Variants in TTLL11 observed in about 807,000 individuals in gnomAD.
The protein encoded by TTLL11 is tubulin polyglutamylase TTLL11.
In TTLL11, 42 loss-of-function variants were observed where a neutral mutation model predicts 51.7. That is an observed-to-expected ratio of 0.81 (90% CI 0.64 to 1.05). The LOEUF (loss-of-function observed/expected upper bound fraction) is 1.05. TTLL11 is among the 50% of genes least tolerant of loss of function. The probability of loss-of-function intolerance (pLI) is 0.00; values close to 1 mark genes in which losing one functional copy is unlikely to be tolerated. For missense variants in TTLL11, 799 were observed against 940.4 expected (o/e 0.85, Z 1.97); for synonymous variants, 381 against 383.5 (o/e 0.99, Z 0.08).
At position 121,822,974 on chromosome 9, in the gene TTLL11, T is replaced by C; in HGVS notation, c.1841-95A>G. ...CAGCCACAAGGATGTCAGCAAGAGCTAGCCCCGCTCCCCACCACCGTCTCC... is the reference window on the plus strand; with the variant it reads ...CAGCCACAAGGATGTCAGCAAGAGCCAGCCCCGCTCCCCACCACCGTCTCC... On this transcript the variant is annotated intron_variant, in intron 8 of 8. Transcript: ENST00000321582. This position sits in a 1 kb window ranked among gnomAD's most constrained non-coding sequence, Gnocchi z 5.8. 3 of 1,349,850 alleles carry C rather than the reference T, an allele frequency of 2.2e-6. No individual in the cohort carries two copies. The highest frequency in any genetic ancestry group is 2.0e-6 in the Non-Finnish European group (2 of 1,006,644). The allele number at this position is 1,349,850 out of a possible 1,614,324, so 83.6% of individuals were successfully genotyped here.
chr9:121,866,518 G>A (rs777403890), intron 7 of TTLL11, among the ~76,000 whole-genome samples: 3 of 151,886 alleles, frequency 2.0e-5, no homozygotes, highest in Admixed American at 6.6e-5. Flanking sequence ...AAATTAGCCG[G>A]GCATGGTGGT....
intron 6 of TTLL11, among the ~76,000 whole-genome samples, chr9:121,880,860 C>A (rs528724137): frequency 1.1e-4 from 16 of 152,372 alleles, no homozygotes; most frequent in Admixed American, 2.6e-4. Flanking sequence ...AAGGTTAAGT[C>A]AATGGCCTAA....
intron 6 of TTLL11, among the ~76,000 whole-genome samples, chr9:121,912,541 G>A (rs989932546): frequency 6.6e-6 from 1 of 152,052 alleles, no homozygotes; most frequent in Non-Finnish European, 1.5e-5. Flanking sequence ...CTAGCACAGA[G>A]GACACCACTC....
chr9:122,060,545 T>C (rs376142726), intron 1 of TTLL11, among the ~76,000 whole-genome samples: 6 of 152,178 alleles, frequency 3.9e-5, no homozygotes, highest in African/African-American at 1.4e-4. Context: ...CGTGCTGCCA[T>C]ATAGATCCAA....
At chr9:122,073,363 T>C (rs1022076319) in intron 1 of TTLL11, among the ~76,000 whole-genome samples, 5 of 152,032 alleles carry the variant, frequency 3.3e-5, no homozygotes, top group African/African-American at 1.2e-4. Flanking sequence ...TGAGCCAAGA[T>C]TGCACCACTG....
intron 3 of TTLL11, among the ~76,000 whole-genome samples, chr9:122,010,415 G>A (rs1295660749): frequency 6.6e-6 from 1 of 152,182 alleles, no homozygotes. Context: ...ACTTTGGAGC[G>A]TGGTTCAAGT....
At position 121,817,250 on chromosome 9, in the gene TTLL11, G is replaced by A. The variant is rs911947563; in HGVS notation, c.*5337C>T. The A allele has an allele frequency of 2.6e-5, 4 of 152,104 alleles. No homozygotes were observed. Among genetic ancestry groups the A allele is most frequent in the Non-Finnish European group, 4.4e-5 (3 of 68,040 alleles). 9.4% of individuals were successfully genotyped at this position (152,104 alleles called of 1,614,324 possible). On this transcript the variant is annotated 3_prime_UTR_variant, in exon 9 of 9. Transcript: ENST00000321582. ...GAGGAGCAGCAGGAATCATTTCTCA[G>A]CCTACGAATGTCTTTAAACATGTGG...
At chr9:121,855,387 C>T (rs1240757188) in intron 8 of TTLL11, among the ~76,000 whole-genome samples, 1 of 152,146 alleles carries the variant, frequency 6.6e-6, no homozygotes, top group Non-Finnish European at 1.5e-5. Flanking sequence ...CTTTTTCTCA[C>T]TAGTTTTTAT....
intron 7 of TTLL11, among the ~76,000 whole-genome samples, chr9:121,868,143 A>G (rs1204876204): frequency 6.6e-6 from 1 of 152,058 alleles, no homozygotes; most frequent in Non-Finnish European, 1.5e-5. Flanking sequence ...ATCTGTGCCC[A>G]CAGATGTCTT....
At chr9:121,842,553 T>C (rs181920793) in intron 8 of TTLL11, among the ~76,000 whole-genome samples, 23 of 152,362 alleles carry the variant, frequency 1.5e-4, no homozygotes, top group African/African-American at 5.5e-4. Flanking sequence ...TGAGCTACTG[T>C]GTGCCTGGCC....
At chr9:121,846,932 C>T (rs897825871) in intron 8 of TTLL11, among the ~76,000 whole-genome samples, 7 of 152,166 alleles carry the variant, frequency 4.6e-5, no homozygotes, top group South Asian at 4.2e-4. Context: ...AACACAAGGC[C>T]GGGCCCGGTG....
At chr9:121,885,471 G>A (rs1838974792) in intron 6 of TTLL11, 1 of 152,256 alleles carries the variant, frequency 6.6e-6, no homozygotes, top group African/African-American at 2.4e-5. Flanking sequence ...TCGCTGCTTG[G>A]ACACCTGTGT....
At chr9:122,037,331 G>C (rs1844732625) in intron 2 of TTLL11, among the ~76,000 whole-genome samples, 1 of 152,208 alleles carries the variant, frequency 6.6e-6, no homozygotes, top group South Asian at 2.1e-4. Context: ...TGTTGGGTAA[G>C]AACTCTGGCT....
At chr9:121,978,649 G>A (rs1842766924) in intron 4 of TTLL11, among the ~76,000 whole-genome samples, 1 of 152,086 alleles carries the variant, frequency 6.6e-6, no homozygotes, top group Non-Finnish European at 1.5e-5. Context: ...ATTATGTGTT[G>A]ATCACCTTCT....
At chr9:121,973,096 A>G (rs1842615934) in intron 6 of TTLL11, among the ~76,000 whole-genome samples, 1 of 152,242 alleles carries the variant, frequency 6.6e-6, no homozygotes. Context: ...ACTTTGTGAG[A>G]GCCTGGAATT....
chr9:121,931,583 TTAAAA>T (rs1287152530), intron 6 of TTLL11, among the ~76,000 whole-genome samples: 6,044 of 103,784 alleles, frequency 0.058, 170 homozygotes, highest in Middle Eastern at 0.098. Context: ...TTTCTACTAT[TTAAAA>T]AAAAAAAAAA....
chr9:122,070,566 C>G (rs1036461969), intron 1 of TTLL11, among the ~76,000 whole-genome samples: 7 of 152,176 alleles, frequency 4.6e-5, no homozygotes, highest in Non-Finnish European at 5.9e-5. Flanking sequence ...CAACCTGATT[C>G]ATCTACCTGC....
Position 121,819,741 on chromosome 9 carries a change from T to C in TTLL11, c.*2846A>G, listed in dbSNP as rs1836517369. On this transcript the variant is annotated 3_prime_UTR_variant, in exon 9 of 9. Coordinates refer to ENST00000321582, the MANE Select transcript of TTLL11 (RefSeq NM_001139442.2). ...TGCCGTGCCTCTGGGCCAGCCAGAC[T>C]CCCGGCTCTACTTCCTATCTTCTCG... Among the ~76,000 whole-genome samples the C allele has an allele frequency of 6.6e-6, 1 of 151,950 alleles. No individual in the cohort carries two copies. Among genetic ancestry groups the C allele is most frequent in the African/African-American group, 2.4e-5 (1 of 41,370 alleles).
intron 1 of TTLL11, among the ~76,000 whole-genome samples, chr9:122,080,459 G>A (rs1047402540): frequency 1.3e-5 from 2 of 152,108 alleles, no homozygotes; most frequent in Non-Finnish European, 2.9e-5. Flanking sequence ...TCAAGCCAGA[G>A]GATCGTTGAG....
Sources: gnomAD v4.1 joint callset for allele counts (sites outside exome capture counted in the v4.1 genomes callset) on GRCh38, gnomAD v4.1.1 for gene constraint, Gnocchi (gnomAD v3.1) non-coding constraint, MANE v1.5 for transcripts, NCBI Gene and HGNC (gene_info 2026-07-23, HGNC 2026-07-21) for gene names.